Variants in MDFIC observed in about 807,000 individuals in gnomAD.
The protein encoded by MDFIC is myoD family inhibitor domain-containing protein.
In MDFIC, 17 loss-of-function variants were observed where a neutral mutation model predicts 23.2. That is an observed-to-expected ratio of 0.73 (90% CI 0.50 to 1.10). The LOEUF (loss-of-function observed/expected upper bound fraction) is 1.10, where lower values mean the gene tolerates loss of function less well. Among genes scored for constraint, MDFIC ranks in the 50% least tolerant of loss-of-function variants. MDFIC has a pLI of 0.00. For synonymous variants in MDFIC, 120 were observed against 115.2 expected (o/e 1.04, Z -0.27); for missense variants, 356 against 316.6 (o/e 1.12, Z -0.95).
At chr7:115,013,934 G>C (rs1050506590) in intron 4 of MDFIC, 39 of 934,586 alleles carry the variant, frequency 4.2e-5, no homozygotes, top group Non-Finnish European at 1.4e-5. Flanking sequence ...AAGACGGAGA[G>C]ACCTGAAAAC....
At position 115,016,040 on chromosome 7, in the gene MDFIC, C is replaced by T; in HGVS notation, c.*105C>T. On this transcript the variant is annotated 3_prime_UTR_variant, in exon 5 of 5. Coordinates refer to ENST00000393486, the MANE Select transcript of MDFIC (RefSeq NM_001166345.3). ...TTCTCATGAAACAACATGGAATTTG[C>T]ACTGTTAACTCATTATTGTAAGTAA... The T allele has an allele frequency of 8.7e-7, 1 of 1,155,060 alleles. No individual in the cohort carries two copies. The highest frequency in any genetic ancestry group is 2.4e-5 in the East Asian group (1 of 42,212). The allele number at this position is 1,155,060 out of a possible 1,614,324, so 71.6% of individuals were successfully genotyped here.
chr7:114,954,724 T>C (rs747957542), intron 3 of MDFIC, among the ~76,000 whole-genome samples: 27 of 152,232 alleles, frequency 1.8e-4, no homozygotes, highest in Non-Finnish European at 2.9e-4. Context: ...CTGGTCTACA[T>C]GCCTGATACC....
intron 2 of MDFIC, 137 bp downstream of exon 2, chr7:114,923,264 C>G: frequency 7.7e-7 from 1 of 1,291,130 alleles, no homozygotes; most frequent in Non-Finnish European, 1.1e-6. Flanking sequence ...TTGCACAGTT[C>G]GCGTTACTCA....
intron 3 of MDFIC, among the ~76,000 whole-genome samples, chr7:114,969,942 GA>G (rs796701152): frequency 2.5e-4 from 38 of 152,278 alleles, no homozygotes; most frequent in African/African-American, 8.9e-4. Flanking sequence ...AGCCCTTCAT[GA>G]TCCTGCAACA....
intron 4 of MDFIC, among the ~76,000 whole-genome samples, chr7:115,004,527 A>G (rs1445364308): frequency 6.6e-6 from 1 of 152,274 alleles, no homozygotes; most frequent in Admixed American, 6.5e-5. Flanking sequence ...GTTTGTCCAA[A>G]TCACAACAGT....
At chr7:114,931,936 C>T (rs1258751275) in intron 2 of MDFIC, among the ~76,000 whole-genome samples, 3 of 152,088 alleles carry the variant, frequency 2.0e-5, no homozygotes, top group East Asian at 1.9e-4. Flanking sequence ...TTTGCCACTC[C>T]GAGGCATAGT....
At chr7:114,935,249 C>A (rs563384144) in intron 2 of MDFIC, among the ~76,000 whole-genome samples, 1 of 151,972 alleles carries the variant, frequency 6.6e-6, no homozygotes, top group East Asian at 1.9e-4. Flanking sequence ...ATACAAATTG[C>A]TTATCACCAA....
In MDFIC at chr7:115,019,635, T is replaced by G. The variant is rs375525751; in HGVS notation, c.*3700T>G. ...TATTTTTCAAATTATTTAAGACCTT[T>G]ATGCCCCTTCCAATTACTTGTGATT... On this transcript the variant is annotated 3_prime_UTR_variant, in exon 5 of 5. Transcript: ENST00000393486. Among the ~76,000 whole-genome samples, 3 of 152,298 alleles carry G rather than the reference T, an allele frequency of 2.0e-5. No individual in the cohort carries two copies. The highest frequency in any genetic ancestry group is 1.3e-4 in the Admixed American group (2 of 15,288).
Position 115,017,885 on chromosome 7 carries a change from C to T in MDFIC, c.*1950C>T, listed in dbSNP as rs1213358559. The T allele has an allele frequency of 6.6e-6, 1 of 151,948 alleles. No homozygotes were observed. Among genetic ancestry groups the T allele is most frequent in the Non-Finnish European group, 1.5e-5 (1 of 67,866 alleles). 9.4% of individuals were successfully genotyped at this position (151,948 alleles called of 1,614,324 possible). A position where few individuals can be genotyped will look rare whatever the true frequency, so the allele number is the denominator to read the frequency against. ...TTAGGAAGGCTTTCGCAAACCTAGC[C>T]TTTTAAGAGAGGTTTTTAACCTGAA... On this transcript the variant is annotated 3_prime_UTR_variant, in exon 5 of 5. Transcript: ENST00000393486.
chr7:114,959,758 T>TA (rs561746908), intron 3 of MDFIC, among the ~76,000 whole-genome samples: 1 of 151,028 alleles, frequency 6.6e-6, no homozygotes, highest in Non-Finnish European at 1.5e-5. Flanking sequence ...AATGGTGCTT[T>TA]AAAAAAAATA....
chr7:114,991,715 G>A (rs1389456217), intron 4 of MDFIC, among the ~76,000 whole-genome samples: 1 of 152,180 alleles, frequency 6.6e-6, no homozygotes, highest in African/African-American at 2.4e-5. Flanking sequence ...CTATATCTCT[G>A]TTTTGGTACC....
At chr7:114,928,955 T>A (rs1440492483) in intron 2 of MDFIC, among the ~76,000 whole-genome samples, 1 of 152,196 alleles carries the variant, frequency 6.6e-6, no homozygotes, top group Non-Finnish European at 1.5e-5. Flanking sequence ...AATAGATTTT[T>A]ACTTATTCAT....
chr7:114,996,376 A>T (rs1791329704), intron 4 of MDFIC, among the ~76,000 whole-genome samples: 1 of 152,052 alleles, frequency 6.6e-6, no homozygotes, highest in Non-Finnish European at 1.5e-5. Flanking sequence ...ATTAAGGATG[A>T]CTCCAAGTTT....
intron 2 of MDFIC, among the ~76,000 whole-genome samples, chr7:114,938,797 CT>C (rs1792483729): frequency 1.0e-3 from 2 of 2,000 alleles, no homozygotes; most frequent in African/African-American, 1.1e-3. Context: ...TCTTTCAGGT[CT>C]ACCCTACTAG....
chr7:114,960,484 A>T (rs12668410), intron 3 of MDFIC, among the ~76,000 whole-genome samples: 3,922 of 152,124 alleles, frequency 0.026, 95 homozygotes, highest in South Asian at 0.11. Context: ...ATATAGTCTT[A>T]AAAAACCCCG....
At chr7:114,991,870 T>C (rs1319278883) in intron 4 of MDFIC, among the ~76,000 whole-genome samples, 1 of 152,230 alleles carries the variant, frequency 6.6e-6, no homozygotes, top group Non-Finnish European at 1.5e-5. Flanking sequence ...AAAGTAGTTT[T>C]TTCCAATTCT....
intron 2 of MDFIC, among the ~76,000 whole-genome samples, chr7:114,929,803 A>G (rs945746545): frequency 6.6e-6 from 1 of 152,174 alleles, no homozygotes; most frequent in Non-Finnish European, 1.5e-5. Flanking sequence ...GAGAAAATGA[A>G]GATGAAAGGA....
rs369470623 is a variant in MDFIC at position 114,964,525 on chromosome 7, ACTTCCCTTCCCTTCC to A, written c.218-14966_218-14952del. Among the ~76,000 whole-genome samples the A allele has an allele frequency of 4.1e-3, 392 of 96,380 alleles. 2 individuals are homozygous for A. The highest frequency in any genetic ancestry group is 0.015 in the African/African-American group (370 of 24,236). The allele number at this position is 96,380 out of a possible 152,430, so 63.2% of individuals were successfully genotyped here. On this transcript the variant is annotated intron_variant, in intron 3 of 4. Transcript: ENST00000393486. ...CCTTCCCTTCCCTTTCCTTCCCTTC[ACTTCCCTTCCCTTCC>A]CTTCCCTTCCCTTCGCTTCCCTCCC...
At chr7:114,930,056 C>T (rs1792280746) in intron 2 of MDFIC, among the ~76,000 whole-genome samples, 2 of 152,032 alleles carry the variant, frequency 1.3e-5, no homozygotes, top group Non-Finnish European at 2.9e-5. Flanking sequence ...TAGGATGAAT[C>T]AAGAAGTTTG....
Sources: gnomAD v4.1 joint callset for allele counts (sites outside exome capture counted in the v4.1 genomes callset) on GRCh38, gnomAD v4.1.1 for gene constraint, MANE v1.5 for transcripts, NCBI Gene and HGNC (gene_info 2026-07-23, HGNC 2026-07-21) for gene names.